Variants in PYGB observed in about 807,000 individuals in gnomAD.
The protein encoded by PYGB is glycogen phosphorylase B.
In PYGB, 82 loss-of-function variants were observed where a neutral mutation model predicts 94.3. The observed-to-expected ratio is 0.87, with a 90% CI of 0.73 to 1.04. The LOEUF (loss-of-function observed/expected upper bound fraction) is 1.04. Ranked by LOEUF, PYGB falls within the 50% of genes least tolerant of loss-of-function variation. The pLI is 0.00. For synonymous variants in PYGB, 488 were observed against 479.1 expected (o/e 1.02, Z -0.24); for missense variants, 1,132 against 1,158.2 (o/e 0.98, Z 0.33).
intron 10 of PYGB, among the ~76,000 whole-genome samples, chr20:25,280,690 G>A (rs2088358408): frequency 6.6e-6 from 1 of 152,204 alleles, no homozygotes. Flanking sequence ...GGGCCGGGCT[G>A]GGCCCTTTCC....
chr20:25,274,456 AC>A, intron 4 of PYGB, 135 bp from the exon 5 acceptor site: 1 of 1,261,340 alleles, frequency 7.9e-7, no homozygotes, highest in Non-Finnish European at 1.1e-6. Context: ...GGGAATCCCG[AC>A]CTGGTAAGTG....
chr20:25,281,093 G>A lies in PYGB; in HGVS notation c.1384G>A (p.Glu462Lys). The A allele has an allele frequency of 6.2e-7, 1 of 1,614,202 alleles. No individual in the cohort carries two copies. The highest frequency in any genetic ancestry group is 8.5e-7 in the Non-Finnish European group (1 of 1,180,020). The change falls in exon 11 of 20, where the codon GAG becomes AAG. Residue 462 changes from glutamate to lysine, a missense_variant. By Grantham distance (56) the Glu-to-Lys change is moderately conservative. Transcript: ENST00000216962. ...CAATGGTGTGGCGAGGATCCACTCG[G>A]AGATCGTGAAACAGTCGGTGTGAGT... The part of the protein sequence containing the change: ...AVNGVARIHS[E>K]IVKQSVFKDF...
rs528253972 is a variant in PYGB at position 25,268,197 on chromosome 20, GTAC to G, written c.346-931_346-929del. On this transcript the variant is annotated intron_variant, in intron 2 of 19. Transcript: ENST00000216962. ...ATATCCAAAATATTGTTGGTGGAAT[GTAC>G]CCTTTGAAATTGCTTTACGAATTAA... Among the ~76,000 whole-genome samples, 400 of 118,714 alleles carry G rather than the reference GTAC, an allele frequency of 3.4e-3. 1 individual carries two copies. Among genetic ancestry groups the G allele is most frequent in the Non-Finnish European group, 5.1e-3 (324 of 63,386 alleles). 77.9% of individuals were successfully genotyped at this position (118,714 alleles called of 152,430 possible).
intron 7 of PYGB, 36 bp from the exon 8 acceptor site, chr20:25,278,283 C>T: frequency 6.3e-7 from 1 of 1,597,080 alleles, no homozygotes; most frequent in Non-Finnish European, 8.6e-7. Flanking sequence ...GAGAATGGCC[C>T]AGCCTGCACC....
At position 25,290,504 on chromosome 20, in the gene PYGB, C is replaced by T. The variant is rs1348225726; in HGVS notation, c.1851C>T (p.Ala617=). ...AGGCAGCGCCCGGTTACCACATGGC[C>T]AAGCTGATCATCAAGTTGGTCACCT... ...GGKAAPGYHM[A]KLIIKLVTSI... The change falls in exon 16 of 20, where the codon GCC becomes GCT. Residue 617 remains alanine, a synonymous_variant. Transcript: ENST00000216962. 9 of 1,609,964 alleles carry T rather than the reference C, an allele frequency of 5.6e-6. No homozygotes were observed. The highest frequency in any genetic ancestry group is 1.6e-4 in the Middle Eastern group (1 of 6,076).
At chr20:25,282,688 C>T (rs775785456) in intron 12 of PYGB, among the ~76,000 whole-genome samples, 7 of 152,132 alleles carry the variant, frequency 4.6e-5, no homozygotes, top group East Asian at 3.9e-4. Flanking sequence ...TGCTGGGGGA[C>T]GGGCCCCTGG....
At chr20:25,255,963 C>A (rs1222141351) in intron 1 of PYGB, among the ~76,000 whole-genome samples, 1 of 152,182 alleles carries the variant, frequency 6.6e-6, no homozygotes, top group Non-Finnish European at 1.5e-5. Flanking sequence ...GAGCTCCTGA[C>A]CTCAAGTGAT....
rs559467090 is a variant in PYGB at position 25,267,406 on chromosome 20, A to C, written c.346-1723A>C. On this transcript the variant is annotated intron_variant, in intron 2 of 19. Coordinates refer to ENST00000216962, the MANE Select transcript of PYGB (RefSeq NM_002862.4). Reference sequence around the variant, plus strand: ...CATACACTTCTAAAAGGCGAATTTTACGGTTAATGAATTATATCTCAATAA... The same window carrying C: ...CATACACTTCTAAAAGGCGAATTTTCCGGTTAATGAATTATATCTCAATAA... Among the ~76,000 whole-genome samples the C allele has an allele frequency of 2.6e-5, 4 of 152,324 alleles. 1 individual carries two copies. The highest frequency in any genetic ancestry group is 2.6e-4 in the Admixed American group (4 of 15,298).
intron 15 of PYGB, chr20:25,289,829 AACC>A (rs779369708): frequency 7.5e-6 from 4 of 533,426 alleles, no homozygotes; most frequent in Non-Finnish European, 1.5e-5. Flanking sequence ...TTTCCACCAG[AACC>A]ACAATGGGAG....
chr20:25,282,642 G>A (rs909874427), intron 12 of PYGB, among the ~76,000 whole-genome samples: 23 of 152,348 alleles, frequency 1.5e-4, no homozygotes, highest in African/African-American at 5.5e-4. Context: ...AAGAGAGAGT[G>A]AGCAGTGCTC....
chr20:25,273,781 G>C (rs1375383551), intron 4 of PYGB, among the ~76,000 whole-genome samples: 1 of 152,198 alleles, frequency 6.6e-6, no homozygotes, highest in Non-Finnish European at 1.5e-5. Flanking sequence ...CGTCCTCACT[G>C]CCAGCTGCCA....
chr20:25,289,257 G>A (rs554222212), intron 15 of PYGB, among the ~76,000 whole-genome samples: 8 of 152,392 alleles, frequency 5.2e-5, no homozygotes, highest in African/African-American at 1.9e-4. Context: ...TGCTGTTTTT[G>A]AAGCAAATTT....
intron 13 of PYGB, among the ~76,000 whole-genome samples, chr20:25,283,608 CCT>C (rs1431979432): frequency 6.6e-6 from 1 of 152,244 alleles, no homozygotes; most frequent in East Asian, 1.9e-4. Flanking sequence ...AGCGTGGTAC[CCT>C]CTTTGCCCCT....
intron 2 of PYGB, among the ~76,000 whole-genome samples, chr20:25,260,131 T>A (rs2092910307): frequency 6.6e-6 from 1 of 152,182 alleles, no homozygotes; most frequent in Non-Finnish European, 1.5e-5. Context: ...CATAGCAGTG[T>A]CTGTGCTCAA....
chr20:25,278,848 C>T (rs2088338572), intron 8 of PYGB, among the ~76,000 whole-genome samples: 1 of 152,190 alleles, frequency 6.6e-6, no homozygotes, highest in African/African-American at 2.4e-5. Flanking sequence ...CACTCACCAG[C>T]AGGCACATCG....
chr20:25,259,525 G>C (rs545484715), intron 2 of PYGB, among the ~76,000 whole-genome samples, 187 bp downstream of exon 2: 1 of 152,334 alleles, frequency 6.6e-6, no homozygotes, highest in East Asian at 1.9e-4. Flanking sequence ...TTTGAGAGTA[G>C]AAAGTAAGAA....
At chr20:25,250,031 A>G (rs1489940336) in intron 1 of PYGB, among the ~76,000 whole-genome samples, 1 of 152,086 alleles carries the variant, frequency 6.6e-6, no homozygotes, top group African/African-American at 2.4e-5. Flanking sequence ...TTGTATCTTT[A>G]GTAGAGACGG....
rs138279682 is a variant in PYGB, at chr20:25,280,340, C to T, written c.1167C>T (p.Pro389=). ...TVLPEALERW[P]VSMFEKLLPR... is the part of the protein sequence containing the mutation. ...TGCCTGAGGCCTTGGAGCGCTGGCC[C>T]GTGTCCATGTTTGAGAAGCTGCTGC... is the stretch of plus-strand genomic sequence containing the variant. The change falls in exon 10 of 20, where the codon CCC becomes CCT. Residue 389 remains proline (P), a synonymous_variant. Coordinates refer to ENST00000216962, the MANE Select transcript of PYGB (RefSeq NM_002862.4). 1.2e-5 allele frequency: 19 copies of T among 1,613,904 alleles called. No individual in the cohort carries two copies. Among genetic ancestry groups the T allele is most frequent in the Admixed American group, 1.0e-4 (6 of 60,010 alleles).
rs755536727 is a variant in PYGB at position 25,280,248 on chromosome 20, C to G, written c.1093-18C>G. 1 of 1,612,486 alleles carries G rather than the reference C, an allele frequency of 6.2e-7. No homozygotes were observed. Among genetic ancestry groups the G allele is most frequent in the East Asian group, 2.2e-5 (1 of 44,840 alleles). On this transcript the variant is annotated intron_variant, in intron 9 of 19. Transcript: ENST00000216962. ...TTGTTTCTAAACAAACACATGGGAA[C>G]ATTCTCTAATGGCCTAGGCCTGGGA...
Sources: allele counts gnomAD v4.1 joint callset (sites outside exome capture counted in the v4.1 genomes callset), GRCh38; gene constraint gnomAD v4.1.1; transcripts MANE v1.5; gene names NCBI Gene and HGNC (gene_info 2026-07-23, HGNC 2026-07-21).